Variants in ADGRE1 observed in about 807,000 individuals in gnomAD.
ADGRE1 encodes the protein adhesion G protein-coupled receptor E1.
ADGRE1 carries 82 observed loss-of-function variants against 102.7 expected under a neutral mutation model. That is an observed-to-expected ratio of 0.80 (90% CI 0.67 to 0.96). The LOEUF (loss-of-function observed/expected upper bound fraction) is 0.96. Ranked by LOEUF, ADGRE1 falls within the 40% of genes least tolerant of loss-of-function variation. The pLI, the probability that ADGRE1 is intolerant of heterozygous loss-of-function variation, is 0.00. For synonymous variants in ADGRE1, 398 were observed against 399.6 expected (o/e 1.00, Z 0.05); for missense variants, 1,032 against 1,085.3 (o/e 0.95, Z 0.69).
chr19:6,926,781 A>G (rs1974929560), intron 16 of ADGRE1, among the ~76,000 whole-genome samples, 180 bp downstream of exon 16: 1 of 152,212 alleles, frequency 6.6e-6, no homozygotes, highest in South Asian at 2.1e-4. Context: ...TGTGCACTGC[A>G]CAAATCCAGG....
chr19:6,930,129 C>T (rs754850017), intron 17 of ADGRE1, among the ~76,000 whole-genome samples: 13 of 152,128 alleles, frequency 8.5e-5, no homozygotes, highest in Non-Finnish European at 1.6e-4. Context: ...AAAACCTTAC[C>T]GAGGACTTCC....
At chr19:6,908,641 A>C in intron 9 of ADGRE1, 48 bp from the exon 10 acceptor site, 2 of 1,492,228 alleles carry the variant, frequency 1.3e-6, no homozygotes, top group Non-Finnish European at 1.8e-6. Context: ...GGGGGAATAC[A>C]TCGATTCATG....
At position 6,919,660 on chromosome 19, in the gene ADGRE1, G is replaced by A; in HGVS notation, c.1533G>A (p.Met511Ile). ...CCACCTCTGAGATCAAGCTGAAGATGAATTCTCGAGTCGTTGGGGGCATAA... is the reference window on the plus strand; with the variant it reads ...CCACCTCTGAGATCAAGCTGAAGATAAATTCTCGAGTCGTTGGGGGCATAA... ...PLTTSEIKLK[M>I]NSRVVGGIMT... Residue 511 changes from methionine (M) to isoleucine (I), a missense_variant, in exon 13 of 21, where the codon ATG becomes ATA. By Grantham distance (10) the Met-to-Ile change is conservative (BLOSUM62 1). Transcript: ENST00000312053. 2 of 1,613,532 alleles carry A rather than the reference G, an allele frequency of 1.2e-6. No individual in the cohort carries two copies. Among genetic ancestry groups the A allele is most frequent in the South Asian group, 1.1e-5 (1 of 91,038 alleles).
chr19:6,930,017 C>G (rs531871473), intron 17 of ADGRE1, among the ~76,000 whole-genome samples: 3 of 152,290 alleles, frequency 2.0e-5, no homozygotes, highest in African/African-American at 7.2e-5. Context: ...AGCATTCACC[C>G]ATGCAAGCTT....
At position 6,919,610 on chromosome 19, in the gene ADGRE1, T is replaced by C. The variant is rs768733951; in HGVS notation, c.1483T>C (p.Phe495Leu). The change falls in exon 13 of 21, where the codon TTC (phenylalanine) becomes CTC (leucine). Residue 495 changes from phenylalanine (F) to leucine (L), a missense_variant. Phe to Leu is a conservative substitution (Grantham distance 22). Transcript: ENST00000312053. ...GMESVLNERF[F>L]KDHQAPLTTS... ...GGAATCGGTTTTAAATGAGCGCTTC[T>C]TCAAAGACCACCAGGCTCCCTTGAC... The C allele has an allele frequency of 5.0e-6, 8 of 1,613,470 alleles. No individual in the cohort carries two copies. The highest frequency in any genetic ancestry group is 1.1e-5 in the South Asian group (1 of 91,046).
rs1391131429 is a variant in ADGRE1, at chr19:6,921,781, A to T, written c.1689A>T (p.Thr563=). ...CTGATGTGAAGGGTGGAAGATGGAC[A>T]TCCTTTGGCTGTGTGATCCTGGAAG... is the stretch of plus-strand genomic sequence containing the variant. ...WSTDVKGGRW[T]SFGCVILEAS... Residue 563 remains threonine, a synonymous_variant, in exon 14 of 21, where the codon ACA becomes ACT. Transcript: ENST00000312053. The T allele has an allele frequency of 6.2e-7, 1 of 1,614,086 alleles. No individual in the cohort carries two copies. The highest frequency in any genetic ancestry group is 1.7e-5 in the Admixed American group (1 of 60,000).
At chr19:6,906,612 G>T (rs1973967156) in intron 9 of ADGRE1, 91 bp downstream of exon 9, 3 of 1,179,328 alleles carry the variant, frequency 2.5e-6, no homozygotes, top group Non-Finnish European at 3.7e-6. Flanking sequence ...AAAGGCAAAA[G>T]TAATAGTGGC....
At chr19:6,929,924 C>A (rs914347622) in intron 17 of ADGRE1, among the ~76,000 whole-genome samples, 1 of 152,144 alleles carries the variant, frequency 6.6e-6, no homozygotes. Context: ...GGATTTCAAG[C>A]GTGAGTCTCT....
chr19:6,919,665 C>A lies in ADGRE1; in HGVS notation c.1538C>A (p.Ser513Tyr), dbSNP rs1446134676. The A allele has an allele frequency of 1.9e-6, 3 of 1,613,358 alleles. No homozygotes were observed. The highest frequency in any genetic ancestry group is 2.5e-6 in the Non-Finnish European group (3 of 1,179,912). Residue 513 changes from serine (S) to tyrosine (Y), a missense_variant, in exon 13 of 21, where the codon TCT becomes TAT. By Grantham distance (144) the Ser-to-Tyr change is moderately radical (BLOSUM62 -2). Transcript: ENST00000312053. The stretch of plus-strand genomic sequence containing the variant: ...TCTGAGATCAAGCTGAAGATGAATT[C>A]TCGAGTCGTTGGGGGCATAATGACT... ...TTSEIKLKMNSRVVGGIMTGE... is the reference protein window; with the variant it reads ...TTSEIKLKMNYRVVGGIMTGE...
At chr19:6,911,241 C>A (rs964423684) in intron 10 of ADGRE1, among the ~76,000 whole-genome samples, 1 of 152,034 alleles carries the variant, frequency 6.6e-6, no homozygotes, top group African/African-American at 2.4e-5. Context: ...TTATTGAAAT[C>A]CTTTTTTTCC....
At chr19:6,904,901 C>G (rs1020405226) in intron 8 of ADGRE1, among the ~76,000 whole-genome samples, 3 of 152,060 alleles carry the variant, frequency 2.0e-5, no homozygotes, top group Non-Finnish European at 4.4e-5. Flanking sequence ...AAGGACTTCT[C>G]TAGAGGAAGA....
chr19:6,939,954 C>T (rs1975604030), intron 20 of ADGRE1, 70 bp from the exon 21 acceptor site: 2 of 1,529,056 alleles, frequency 1.3e-6, no homozygotes, highest in Non-Finnish European at 1.8e-6. Flanking sequence ...TCCCTGTAGA[C>T]ATGACCCTTG....
intron 11 of ADGRE1, among the ~76,000 whole-genome samples, chr19:6,915,010 G>GTTT (rs11448240): frequency 1.3e-5 from 2 of 148,808 alleles, no homozygotes. Flanking sequence ...GGGAGTTAAG[G>GTTT]TTTTTTTTTT....
intron 10 of ADGRE1, among the ~76,000 whole-genome samples, chr19:6,912,115 T>A (rs1738505511): frequency 1.3e-5 from 2 of 149,120 alleles, no homozygotes; most frequent in African/African-American, 5.2e-5. Context: ...TATACATACA[T>A]ATACACAAAC....
At chr19:6,929,148 G>T (rs888822388) in intron 17 of ADGRE1, among the ~76,000 whole-genome samples, 1 of 152,096 alleles carries the variant, frequency 6.6e-6, no homozygotes, top group South Asian at 2.1e-4. Context: ...CCTGAGGTTC[G>T]TTGCCTCATG....
chr19:6,896,639 T>C, intron 3 of ADGRE1, 98 bp downstream of exon 3: 1 of 1,405,432 alleles, frequency 7.1e-7, no homozygotes, highest in Non-Finnish European at 9.6e-7. Context: ...CCCCCCATTT[T>C]TTTTTAAATC....
At chr19:6,896,330 C>A in intron 2 of ADGRE1, 68 bp from the exon 3 acceptor site, 1 of 1,524,822 alleles carries the variant, frequency 6.6e-7, no homozygotes, top group Non-Finnish European at 9.0e-7. Flanking sequence ...CCCTTGTATG[C>A]TGGGTTCCCT....
intron 11 of ADGRE1, 109 bp from the exon 12 acceptor site, chr19:6,916,140 T>G (rs1288836689): frequency 7.9e-7 from 1 of 1,271,332 alleles, no homozygotes; most frequent in Non-Finnish European, 1.1e-6. Flanking sequence ...AACTTTCTAT[T>G]CTTTTCCTTT....
chr19:6,898,986 A>G (rs897259365), intron 5 of ADGRE1, among the ~76,000 whole-genome samples: 1 of 152,090 alleles, frequency 6.6e-6, no homozygotes, highest in Non-Finnish European at 1.5e-5. Flanking sequence ...TTCAAGGTTA[A>G]TATTGATATT....
Sources: gnomAD v4.1 joint callset for allele counts (sites outside exome capture counted in the v4.1 genomes callset) on GRCh38, gnomAD v4.1.1 for gene constraint, MANE v1.5 for transcripts, NCBI Gene and HGNC (gene_info 2026-07-23, HGNC 2026-07-21) for gene names.